CHAF1B: variants seen among roughly 807,000 people sequenced by gnomAD.
CHAF1B encodes CAF-1 subunit B.
Under a neutral mutation model 60.7 loss-of-function variants are expected in CHAF1B, and 10 were observed. That is an observed-to-expected ratio of 0.16 (90% confidence interval 0.10 to 0.28). The LOEUF (loss-of-function observed/expected upper bound fraction) is 0.28, where lower values mean the gene tolerates loss of function less well. Among genes scored for constraint, CHAF1B ranks in the 10% least tolerant of loss-of-function variants. The pLI is 1.00. For synonymous variants in CHAF1B, 261 were observed against 266.1 expected (o/e 0.98, Z 0.19); for missense variants, 558 against 708.4 (o/e 0.79, Z 2.41).
chr21:36,401,980 A>G (rs1202017839), intron 7 of CHAF1B, among the ~76,000 whole-genome samples: 1 of 152,012 alleles, frequency 6.6e-6, no homozygotes, highest in African/African-American at 2.4e-5. Flanking sequence ...GACTCAAGTG[A>G]TCCGCCCGCC....
At position 36,406,128 on chromosome 21, in the gene CHAF1B, A is replaced by G. The variant is rs146875965; in HGVS notation, c.758-2633A>G. 1.7e-3 allele frequency among the ~76,000 whole-genome samples: 253 copies of G among 152,316 alleles called. 1 individual carries two copies. Among genetic ancestry groups the G allele is most frequent in the South Asian group, 6.4e-3 (31 of 4,830 alleles). On this transcript the variant is annotated intron_variant, in intron 8 of 13. Coordinates refer to ENST00000314103, the MANE Select transcript of CHAF1B (RefSeq NM_005441.3). ...ATCTCAGGATATAAGGCGATTTAAT[A>G]TATGACCTCAGGTGCTGTTCCAGTG...
At chr21:36,394,992 A>G (rs962208346) in intron 5 of CHAF1B, among the ~76,000 whole-genome samples, 27 of 152,034 alleles carry the variant, frequency 1.8e-4, no homozygotes, top group African/African-American at 5.3e-4. Flanking sequence ...CAGCCTCCCA[A>G]AGTGCTGGGA....
At chr21:36,387,009 C>T (rs943381900) in intron 2 of CHAF1B, among the ~76,000 whole-genome samples, 2 of 152,048 alleles carry the variant, frequency 1.3e-5, no homozygotes, top group Non-Finnish European at 2.9e-5. Context: ...CCACCATGCC[C>T]GGCTCTGCTT....
intron 6 of CHAF1B, among the ~76,000 whole-genome samples, chr21:36,398,907 T>C (rs2086164348): frequency 6.6e-6 from 1 of 151,820 alleles, no homozygotes; most frequent in Admixed American, 6.6e-5. Flanking sequence ...TAGGGAGGAG[T>C]TAGTGTTTAT....
In CHAF1B at chr21:36,399,580, T is replaced by C. The variant is rs1269936232; in HGVS notation, c.638T>C (p.Leu213Pro). ...KRVAFNVSKM[L>P]SGIGAEGEAR... is the part of the protein sequence containing the mutation. ...GTGGCTTTCAATGTTTCGAAGATGCTGTCTGGAATAGGGGCTGAAGGAGAG... is the reference window on the plus strand; with the variant it reads ...GTGGCTTTCAATGTTTCGAAGATGCCGTCTGGAATAGGGGCTGAAGGAGAG... The change falls in exon 7 of 14, where the codon CTG becomes CCG. Residue 213 changes from leucine (L) to proline (P), a missense_variant. Leu to Pro is a moderately conservative substitution (Grantham distance 98). Coordinates refer to ENST00000314103, the MANE Select transcript of CHAF1B (RefSeq NM_005441.3). The C allele has an allele frequency of 1.2e-6, 2 of 1,614,182 alleles. No individual in the cohort carries two copies. The highest frequency in any genetic ancestry group is 2.2e-5 in the East Asian group (1 of 44,890).
intron 5 of CHAF1B, among the ~76,000 whole-genome samples, chr21:36,396,533 C>T (rs2086140817): frequency 6.6e-6 from 1 of 151,528 alleles, no homozygotes; most frequent in South Asian, 2.1e-4. Context: ...TGTGGTAGTA[C>T]ATGCCTATAG....
chr21:36,388,569 C>T (rs1004764195), intron 3 of CHAF1B, among the ~76,000 whole-genome samples: 9 of 149,754 alleles, frequency 6.0e-5, no homozygotes, highest in African/African-American at 2.0e-4. Flanking sequence ...CAGGTTCAAG[C>T]GATTCTCCTG....
intron 4 of CHAF1B, 65 bp from the exon 5 acceptor site, chr21:36,394,482 T>C (rs2086121258): frequency 8.6e-7 from 1 of 1,156,392 alleles, no homozygotes; most frequent in African/African-American, 1.5e-5. Context: ...AGTGCTGGGA[T>C]TACAGGGGTA....
At position 36,399,381 on chromosome 21, in the gene CHAF1B, C is replaced by T. The variant is rs2086168318; in HGVS notation, c.579-140C>T. On this transcript the variant is annotated intron_variant, in intron 6 of 13. Transcript: ENST00000314103. ...TAATACTTGCTTCCTTCTTAATTAC[C>T]CAGTTGTGAATATCATTGGTAAAAG... 5.8e-6 allele frequency: 4 copies of T among 687,442 alleles called. No homozygotes were observed. In the Admixed American group the frequency reaches 1.0e-4, roughly 18 times the overall value. The allele number at this position is 687,442 out of a possible 1,614,324, so 42.6% of individuals were successfully genotyped here.
chr21:36,390,348 A>AG (rs1357585747), intron 3 of CHAF1B, among the ~76,000 whole-genome samples: 7 of 151,848 alleles, frequency 4.6e-5, no homozygotes, highest in African/African-American at 1.7e-4. Context: ...AAAAAAAAAA[A>AG]AAAGAAAGAA....
intron 2 of CHAF1B, 33 bp from the exon 3 acceptor site, chr21:36,387,565 A>T: frequency 6.2e-7 from 1 of 1,612,752 alleles, no homozygotes; most frequent in Non-Finnish European, 8.5e-7. Flanking sequence ...TGCCCATTCT[A>T]TGTTTTTCAA....
intron 7 of CHAF1B, among the ~76,000 whole-genome samples, chr21:36,401,752 G>T (rs1012110375): frequency 1.3e-5 from 2 of 149,778 alleles, no homozygotes; most frequent in African/African-American, 4.9e-5. Context: ...ATGCTTGTTT[G>T]TTTGTTGAGA....
chr21:36,394,532 GT>G lies in CHAF1B; in HGVS notation c.378-10del. On this transcript the variant is annotated splice_polypyrimidine_tract_variant and intron_variant, in intron 4 of 13. Coordinates refer to ENST00000314103, the MANE Select transcript of CHAF1B (RefSeq NM_005441.3). ...GGGAGTAATTGCTTTTTTCCTCTTTGTTTTTGGATTCTAGGGGCCACTTAGA... is the reference window on the plus strand; with the variant it reads ...GGGAGTAATTGCTTTTTTCCTCTTTGTTTTGGATTCTAGGGGCCACTTAGA... 2 of 1,591,300 alleles carry G rather than the reference GT, an allele frequency of 1.3e-6. No individual in the cohort carries two copies. Among genetic ancestry groups the G allele is most frequent in the Admixed American group, 3.4e-5 (2 of 58,844 alleles).
At chr21:36,395,930 A>T (rs1486309558) in intron 5 of CHAF1B, among the ~76,000 whole-genome samples, 1 of 151,548 alleles carries the variant, frequency 6.6e-6, no homozygotes. Context: ...GTCTATAAAA[A>T]TTTTTGCTCT....
intron 1 of CHAF1B, 86 bp downstream of exon 1, chr21:36,385,537 G>A (rs1456754053): frequency 1.3e-5 from 2 of 151,648 alleles, no homozygotes; most frequent in Non-Finnish European, 3.0e-5. Flanking sequence ...GCGGGCCCCT[G>A]GGCCCCGGGA....
At chr21:36,396,358 C>CAAAAAAAAAA (rs777079304) in intron 5 of CHAF1B, among the ~76,000 whole-genome samples, 47 of 52,794 alleles carry the variant, frequency 8.9e-4, no homozygotes, top group South Asian at 2.2e-3. Context: ...CCAAAAACCT[C>CAAAAAAAAAA]AAAAAAAAAA....
chr21:36,408,164 T>C (rs1166523329), intron 8 of CHAF1B, among the ~76,000 whole-genome samples: 1 of 152,150 alleles, frequency 6.6e-6, no homozygotes, highest in African/African-American at 2.4e-5. Flanking sequence ...TGTATGATGG[T>C]CACTCTGACA....
At chr21:36,401,619 T>G (rs1464143471) in intron 7 of CHAF1B, among the ~76,000 whole-genome samples, 1 of 138,848 alleles carries the variant, frequency 7.2e-6, no homozygotes, top group East Asian at 2.0e-4. Context: ...ACATAATATA[T>G]ATTTTTATAT....
chr21:36,402,383 C>T (rs148530128), intron 7 of CHAF1B, among the ~76,000 whole-genome samples: 3,011 of 152,318 alleles, frequency 0.02, 52 homozygotes, highest in Admixed American at 0.043. Context: ...TGGTCATCTT[C>T]CCACTGTCTG....
Sources: allele counts gnomAD v4.1 joint callset (sites outside exome capture counted in the v4.1 genomes callset), GRCh38; gene constraint gnomAD v4.1.1; transcripts MANE v1.5; gene names NCBI Gene and HGNC (gene_info 2026-07-23, HGNC 2026-07-21).